Variants in COL25A1 observed in about 807,000 individuals in gnomAD.
COL25A1 encodes collagen alpha-1(XXV) chain.
In COL25A1, 103 loss-of-function variants were observed where a neutral mutation model predicts 128.4. The observed-to-expected ratio is 0.80, with a 90% CI of 0.68 to 0.94. COL25A1 has a LOEUF of 0.94. Among genes scored for constraint, COL25A1 ranks in the 40% least tolerant of loss-of-function variants. COL25A1 has a pLI of 0.00. For synonymous variants in COL25A1, 279 were observed against 277.2 expected, an observed-to-expected ratio of 1.01 and a Z score of -0.06; for missense variants, 745 against 840.0, an observed-to-expected ratio of 0.89 and a Z score of 1.40.
At chr4:108,935,512 G>C (rs1236622275) in intron 11 of COL25A1, among the ~76,000 whole-genome samples, 2 of 151,954 alleles carry the variant, frequency 1.3e-5, no homozygotes, top group Non-Finnish European at 2.9e-5. Flanking sequence ...ATGCCATTTA[G>C]ATCACTTAAT....
In COL25A1 at chr4:108,889,255, C is replaced by A. The variant is rs1177990162; in HGVS notation, c.941G>T (p.Gly314Val). 1 of 1,613,598 alleles carries A rather than the reference C, an allele frequency of 6.2e-7. No individual in the cohort carries two copies. Among genetic ancestry groups the A allele is most frequent in the Non-Finnish European group, 8.5e-7 (1 of 1,179,634 alleles). ...DPGSSAAGIK[G>V]EPGESGRPGQ... is the part of the protein sequence containing the mutation. ...TGGACGACCAGATTCCCCAGGTTCT[C>A]CCTGGCCAAAGAAAACCAAAGATGA... The change falls in exon 18 of 38, where the codon GGA becomes GTA. Residue 314 changes from glycine (G) to valine (V), a missense_variant and splice_region_variant. Physicochemically the swap from Gly to Val is moderately radical, Grantham distance 109. Around this residue, in one of 3 missense-constraint regions of COL25A1, gnomAD observed 387 missense variants for 441.9 expected, o/e 0.88. Transcript: ENST00000399132.
intron 14 of COL25A1, among the ~76,000 whole-genome samples, chr4:108,900,499 G>A (rs1191072229): frequency 6.6e-6 from 1 of 152,094 alleles, no homozygotes; most frequent in Non-Finnish European, 1.5e-5. Context: ...TTTGGGATTT[G>A]GCTGCCTGCT....
intron 32 of COL25A1, among the ~76,000 whole-genome samples, chr4:108,827,845 A>G (rs1408442360): frequency 6.6e-6 from 1 of 152,078 alleles, no homozygotes; most frequent in Admixed American, 6.5e-5. Context: ...TTCTATCAAA[A>G]AACAATTATT....
At chr4:109,060,501 A>AT (rs1177965829) in intron 3 of COL25A1, among the ~76,000 whole-genome samples, 1 of 152,086 alleles carries the variant, frequency 6.6e-6, no homozygotes, top group Non-Finnish European at 1.5e-5. Context: ...CATCTGTTTC[A>AT]TTTTTGTGAA....
intron 3 of COL25A1, among the ~76,000 whole-genome samples, chr4:109,056,868 C>T (rs1408509431): frequency 6.6e-6 from 1 of 152,090 alleles, no homozygotes; most frequent in Admixed American, 6.6e-5. Context: ...ACTATGTCAC[C>T]GAGGCTGATG....
chr4:109,209,474 A>T (rs1453145126), intron 3 of COL25A1, among the ~76,000 whole-genome samples: 8 of 152,300 alleles, frequency 5.3e-5, no homozygotes, highest in Non-Finnish European at 1.2e-4. Context: ...AAAATTAAAC[A>T]GAAAAGATTA....
At chr4:109,160,413 G>A (rs1052866269) in intron 3 of COL25A1, among the ~76,000 whole-genome samples, 3 of 152,130 alleles carry the variant, frequency 2.0e-5, no homozygotes, top group African/African-American at 7.2e-5. Context: ...TTAACAGAAA[G>A]TAAAATTGCC....
rs537610637 is a variant in COL25A1, at chr4:108,817,904, T to G, written c.1924-469A>C. Among the ~76,000 whole-genome samples, 123 of 152,270 alleles carry G rather than the reference T, an allele frequency of 8.1e-4. 2 individuals carry two copies. Among genetic ancestry groups the G allele is most frequent in the Non-Finnish European group, 1.4e-3 (95 of 68,000 alleles). On this transcript the variant is annotated intron_variant, in intron 36 of 37. Coordinates refer to ENST00000399132, the MANE Select transcript of COL25A1 (RefSeq NM_198721.4). ...TATCTGAAGTTTATAGCTCTTCACA[T>G]GCCAGTATTTTTCACTTTTCTATAT... is the stretch of plus-strand genomic sequence containing the variant.
intron 3 of COL25A1, among the ~76,000 whole-genome samples, chr4:109,069,097 A>G (rs1472530477): frequency 2.0e-5 from 3 of 151,918 alleles, no homozygotes; most frequent in African/African-American, 7.2e-5. Context: ...AATATTTTTA[A>G]AATATTTAAT....
chr4:108,818,026 T>C (rs1042692583), intron 36 of COL25A1, among the ~76,000 whole-genome samples: 2 of 152,184 alleles, frequency 1.3e-5, no homozygotes, highest in African/African-American at 2.4e-5. Flanking sequence ...ATTTATCGAT[T>C]TCTCTATTTA....
At chr4:108,914,589 A>G (rs1378086654) in intron 13 of COL25A1, among the ~76,000 whole-genome samples, 1 of 149,892 alleles carries the variant, frequency 6.7e-6, no homozygotes, top group Non-Finnish European at 1.5e-5. Context: ...TTTTCTTTCT[A>G]TGAGGAATTC....
At chr4:109,285,883 T>G (rs113356538) in intron 3 of COL25A1, among the ~76,000 whole-genome samples, 2 of 151,720 alleles carry the variant, frequency 1.3e-5, no homozygotes, top group Admixed American at 6.6e-5. Context: ...TTTTTTGTTT[T>G]TTTGTCTGTT....
At chr4:109,251,421 G>T (rs1780637285) in intron 3 of COL25A1, among the ~76,000 whole-genome samples, 1 of 152,092 alleles carries the variant, frequency 6.6e-6, no homozygotes, top group South Asian at 2.1e-4. Flanking sequence ...GTTTTCCATT[G>T]ACATTAATCA....
chr4:109,220,301 G>A (rs1195550458), intron 3 of COL25A1, among the ~76,000 whole-genome samples: 1 of 152,162 alleles, frequency 6.6e-6, no homozygotes, highest in Non-Finnish European at 1.5e-5. Context: ...TGAACCTGAA[G>A]ATTTCTTGAG....
At chr4:108,983,035 G>A (rs1479438379) in intron 6 of COL25A1, among the ~76,000 whole-genome samples, 1 of 152,168 alleles carries the variant, frequency 6.6e-6, no homozygotes, top group Non-Finnish European at 1.5e-5. Context: ...AATCAGGGAC[G>A]CTCTCTCTGG....
intron 3 of COL25A1, among the ~76,000 whole-genome samples, chr4:109,079,369 T>C (rs903109343): frequency 1.3e-5 from 2 of 152,216 alleles, no homozygotes; most frequent in Non-Finnish European, 2.9e-5. Flanking sequence ...TAGTATTAAC[T>C]GAAAATTTTT....
At chr4:109,181,646 GA>G in intron 3 of COL25A1, among the ~76,000 whole-genome samples, 1 of 151,986 alleles carries the variant, frequency 6.6e-6, no homozygotes, top group Non-Finnish European at 1.5e-5. Flanking sequence ...ATATACTATG[GA>G]ATGGCTAAAT....
chr4:109,030,296 C>G (rs1254769311), intron 5 of COL25A1, among the ~76,000 whole-genome samples: 1 of 152,196 alleles, frequency 6.6e-6, no homozygotes, highest in African/African-American at 2.4e-5. Flanking sequence ...AATCCCCACA[C>G]CTGAACTATG....
intron 3 of COL25A1, among the ~76,000 whole-genome samples, chr4:109,216,442 T>C (rs905883130): frequency 6.6e-6 from 1 of 152,190 alleles, no homozygotes; most frequent in African/African-American, 2.4e-5. Flanking sequence ...TACCTGTGTA[T>C]ATGACCTTAT....
Sources: allele counts gnomAD v4.1 joint callset (sites outside exome capture counted in the v4.1 genomes callset), GRCh38; gene constraint gnomAD v4.1.1; regional missense constraint gnomAD v4.1.1; transcripts MANE v1.5; gene names NCBI Gene and HGNC (gene_info 2026-07-23, HGNC 2026-07-21).